Variants in NINL observed in about 807,000 individuals in gnomAD.
The protein encoded by NINL is ninein-like protein.
In NINL, 153 loss-of-function variants were observed where a neutral mutation model predicts 160.3. The ratio of observed to expected loss-of-function variants is 0.95; its 90% CI spans 0.84 to 1.09. The LOEUF (loss-of-function observed/expected upper bound fraction) is 1.09, where lower values mean the gene tolerates loss of function less well. Among genes scored for constraint, NINL ranks in the 50% least tolerant of loss-of-function variants. The pLI is 0.00. For missense variants in NINL, 1,829 were observed against 1,764.0 expected, an observed-to-expected ratio of 1.04 and a Z score of -0.66; for synonymous variants, 800 against 734.8, an observed-to-expected ratio of 1.09 and a Z score of -1.43.
chr20:25,520,632 C>G (rs915465169), intron 2 of NINL, among the ~76,000 whole-genome samples: 4 of 152,202 alleles, frequency 2.6e-5, no homozygotes, highest in Non-Finnish European at 5.9e-5. Context: ...CATTCTTTCA[C>G]CTTTATTCTT....
Position 25,489,876 on chromosome 20 carries a change from T to C in NINL, c.1595A>G (p.Lys532Arg). Residue 532 changes from lysine to arginine, a missense_variant and splice_region_variant, in exon 12 of 24, where the codon AAG becomes AGG. Transcript: ENST00000278886. ...CAGACTGTCAGCAAAGGGACTCGCC[T>C]TGTCCTTCAGCACAAACTCCAGGTC... ...QKDLEFVLKD[K>R]LEPQSAELLA... The C allele has an allele frequency of 2.5e-6, 4 of 1,611,722 alleles. No individual in the cohort carries two copies. Among genetic ancestry groups the C allele is most frequent in the Non-Finnish European group, 3.4e-6 (4 of 1,178,448 alleles).
chr20:25,526,707 G>C (rs994447542), intron 1 of NINL, 109 bp from the exon 2 acceptor site: 20 of 1,167,288 alleles, frequency 1.7e-5, no homozygotes, highest in Admixed American at 4.6e-5. Context: ...AGACGCAGGA[G>C]CTGGCATGTG....
chr20:25,568,182 A>G (rs1193728180), intron 1 of NINL, among the ~76,000 whole-genome samples: 1 of 151,760 alleles, frequency 6.6e-6, no homozygotes, highest in Non-Finnish European at 1.5e-5. Flanking sequence ...AGCAAAACTA[A>G]CGAAGGGAAA....
intron 1 of NINL, among the ~76,000 whole-genome samples, chr20:25,528,863 A>C (rs2064402227): frequency 3.3e-5 from 5 of 152,212 alleles, no homozygotes; most frequent in Admixed American, 3.3e-4. Context: ...TTCATAATCA[A>C]GTAATTCGTA....
chr20:25,547,694 T>A (rs2064752717), intron 1 of NINL, among the ~76,000 whole-genome samples: 1 of 152,190 alleles, frequency 6.6e-6, no homozygotes, highest in South Asian at 2.1e-4. Context: ...ACTTTTCACT[T>A]GATTACCTCT....
chr20:25,497,979 G>A (rs955001129), intron 9 of NINL, among the ~76,000 whole-genome samples: 1 of 152,234 alleles, frequency 6.6e-6, no homozygotes, highest in African/African-American at 2.4e-5. Flanking sequence ...ACGGATGAGC[G>A]GCTGCCATTC....
At chr20:25,468,678 C>T (rs1412457900) in intron 18 of NINL, among the ~76,000 whole-genome samples, 1 of 144,156 alleles carries the variant, frequency 6.9e-6, no homozygotes, top group Non-Finnish European at 1.5e-5. Context: ...GCCCCTCTGC[C>T]CTGTCCCCTG....
chr20:25,494,053 C>T (rs1390860633), intron 10 of NINL, among the ~76,000 whole-genome samples: 1 of 151,966 alleles, frequency 6.6e-6, no homozygotes, highest in Non-Finnish European at 1.5e-5. Flanking sequence ...GCCCACAGGC[C>T]GCACAGGCCC....
At chr20:25,485,460 T>C (rs892559839) in intron 13 of NINL, among the ~76,000 whole-genome samples, 6 of 152,182 alleles carry the variant, frequency 3.9e-5, no homozygotes, top group African/African-American at 1.4e-4. Context: ...GGAGGAAGTG[T>C]TTCTTAGGAA....
intron 1 of NINL, among the ~76,000 whole-genome samples, chr20:25,575,518 C>CAAGGTG (rs1283670911): frequency 6.7e-6 from 1 of 149,848 alleles, no homozygotes; most frequent in Admixed American, 6.7e-5. Flanking sequence ...TTTGGGAGGG[C>CAAGGTG]AAGGTGGATG....
chr20:25,564,609 C>T (rs1488294675), intron 1 of NINL, among the ~76,000 whole-genome samples: 9 of 151,912 alleles, frequency 5.9e-5, no homozygotes, highest in Non-Finnish European at 1.0e-4. Context: ...TGAGCCACCG[C>T]GCCCGGCCAA....
At position 25,462,559 on chromosome 20, in the gene NINL, T is replaced by A; in HGVS notation, c.3424-18A>T. On this transcript the variant is annotated intron_variant, in intron 19 of 23. Coordinates refer to ENST00000278886, the MANE Select transcript of NINL (RefSeq NM_025176.6). ...TTCTGATTCTGGGGGAAAAAGTTTT[T>A]AAATACATAAGAAAAAAATGTTTTT... 6.3e-7 allele frequency: 1 copy of A among 1,588,734 alleles called. No homozygotes were observed. Among genetic ancestry groups the A allele is most frequent in the Non-Finnish European group, 8.6e-7 (1 of 1,169,146 alleles).
intron 1 of NINL, among the ~76,000 whole-genome samples, chr20:25,552,103 C>A (rs1223827615): frequency 6.6e-6 from 1 of 152,166 alleles, no homozygotes; most frequent in African/African-American, 2.4e-5. Context: ...TGACTCCATT[C>A]CCAGGCTTAA....
Position 25,453,360 on chromosome 20 carries a change from C to T in NINL, c.*91G>A, listed in dbSNP as rs1453275475. 8.6e-7 allele frequency: 1 copy of T among 1,157,166 alleles called. No homozygotes were observed. 71.7% of individuals were successfully genotyped at this position (1,157,166 alleles called of 1,614,324 possible). Reference sequence around the variant, plus strand: ...ATCCCAATCCTCAGATGTCCCAGGACTCATGGCTCATGACCCACGGAATCT... The same window carrying T: ...ATCCCAATCCTCAGATGTCCCAGGATTCATGGCTCATGACCCACGGAATCT... On this transcript the variant is annotated 3_prime_UTR_variant, in exon 24 of 24. Coordinates refer to ENST00000278886, the MANE Select transcript of NINL (RefSeq NM_025176.6).
Position 25,498,241 on chromosome 20 carries a change from C to T in NINL, c.1138G>A (p.Ala380Thr), listed in dbSNP as rs778898700. Residue 380 changes from alanine (A) to threonine (T), a missense_variant, in exon 9 of 24, where the codon GCC becomes ACC. Physicochemically the swap from Ala to Thr is moderately conservative, Grantham distance 58. Transcript: ENST00000278886. The stretch of plus-strand genomic sequence containing the variant: ...TAGCTCAGCTCCTGGTGGTAGCAGG[C>T]CAGGGCTGCCTGCTGGACGGCACTG... ...VDSAVQQAAL[A>T]CYHQELSYQQ... The T allele has an allele frequency of 8.1e-6, 13 of 1,612,932 alleles. No homozygotes were observed. Among genetic ancestry groups the T allele is most frequent in the South Asian group, 2.2e-5 (2 of 91,032 alleles).
intron 19 of NINL, among the ~76,000 whole-genome samples, chr20:25,464,895 G>T (rs903408825): frequency 6.6e-5 from 10 of 152,284 alleles, no homozygotes; most frequent in Non-Finnish European, 1.2e-4. Flanking sequence ...TGACTCGAGT[G>T]ACAAGTTCCT....
intron 1 of NINL, among the ~76,000 whole-genome samples, chr20:25,569,821 G>A (rs1251327639): frequency 2.0e-5 from 3 of 152,164 alleles, no homozygotes; most frequent in African/African-American, 7.2e-5. Flanking sequence ...CTATGGAAAT[G>A]TCACGACTGT....
In NINL at chr20:25,561,756, C is replaced by G. The variant is rs925560514; in HGVS notation, c.-12+23699G>C. 1.5e-4 allele frequency among the ~76,000 whole-genome samples: 22 copies of G among 150,386 alleles called. 1 individual carries two copies. Among genetic ancestry groups the G allele is most frequent in the African/African-American group, 5.4e-4 (22 of 40,792 alleles). On this transcript the variant is annotated intron_variant, in intron 1 of 23. Transcript: ENST00000278886. ...TCTGGGAGGTTAGGAGCGTCTCTGC[C>G]CAGCCGCCCCGTCTGAGAAGTGAGG...
intron 3 of NINL, among the ~76,000 whole-genome samples, chr20:25,516,921 G>A (rs1288447902): frequency 1.3e-5 from 2 of 152,138 alleles, no homozygotes; most frequent in South Asian, 2.1e-4. Flanking sequence ...CCTGGCCATC[G>A]CTTACTAACT....
Sources: allele counts gnomAD v4.1 joint callset (sites outside exome capture counted in the v4.1 genomes callset), GRCh38; gene constraint gnomAD v4.1.1; transcripts MANE v1.5; gene names NCBI Gene and HGNC (gene_info 2026-07-23, HGNC 2026-07-21).